PCNX1: variants seen among roughly 807,000 people sequenced by gnomAD.
PCNX1 encodes the protein pecanex-like protein 1.
PCNX1 carries 78 observed loss-of-function variants against 242.2 expected under a neutral mutation model. The ratio of observed to expected loss-of-function variants is 0.32; its 90% confidence interval spans 0.27 to 0.39. PCNX1 has a LOEUF of 0.39. PCNX1 is among the 10% of genes least tolerant of loss of function. The pLI, the probability that PCNX1 is intolerant of heterozygous loss-of-function variation, is 1.00. For synonymous variants in PCNX1, 1,024 were observed against 1,032.9 expected (o/e 0.99, Z 0.17); for missense variants, 2,581 against 2,856.5 (o/e 0.90, Z 2.20).
intron 11 of PCNX1, 135 bp from the exon 12 acceptor site, chr14:71,018,874 C>A: frequency 1.5e-6 from 1 of 646,606 alleles, no homozygotes; most frequent in Non-Finnish European, 2.6e-6. Context: ...GATCTAAAAC[C>A]TTGTTCAAAC....
chr14:70,967,168 G>A (rs1251111510), intron 3 of PCNX1, among the ~76,000 whole-genome samples: 1 of 152,136 alleles, frequency 6.6e-6, no homozygotes, highest in Non-Finnish European at 1.5e-5. Flanking sequence ...TTTTACATCT[G>A]TGTGCACCCA....
chr14:71,027,066 C>A, intron 15 of PCNX1, 184 bp downstream of exon 15: 1 of 463,680 alleles, frequency 2.2e-6, no homozygotes, highest in Non-Finnish European at 3.8e-6. Context: ...ATAGTCAAGT[C>A]TGCTACTTTA....
chr14:70,989,139 A>G (rs2059084497), intron 7 of PCNX1, among the ~76,000 whole-genome samples: 1 of 149,572 alleles, frequency 6.7e-6, no homozygotes, highest in Non-Finnish European at 1.5e-5. Context: ...AGCCAGTTTG[A>G]TTGTTTTATT....
At chr14:71,046,929 A>G (rs1183266670) in intron 20 of PCNX1, 35 bp from the exon 21 acceptor site, 1 of 1,545,244 alleles carries the variant, frequency 6.5e-7, no homozygotes. Context: ...TATACATTTG[A>G]TGACATGTAG....
At chr14:71,028,904 T>TAG in intron 16 of PCNX1, 113 bp downstream of exon 16, 1 of 571,624 alleles carries the variant, frequency 1.7e-6, no homozygotes, top group African/African-American at 2.0e-5. Context: ...GCATTAATTT[T>TAG]CATGGTCTTC....
At chr14:71,048,636 T>C (rs1489497685) in intron 22 of PCNX1, among the ~76,000 whole-genome samples, 1 of 152,212 alleles carries the variant, frequency 6.6e-6, no homozygotes, top group Non-Finnish European at 1.5e-5. Flanking sequence ...TACAAAGGAC[T>C]TTGACATACA....
At chr14:71,019,889 A>G (rs1336076496) in intron 12 of PCNX1, among the ~76,000 whole-genome samples, 1 of 151,760 alleles carries the variant, frequency 6.6e-6, no homozygotes, top group African/African-American at 2.4e-5. Context: ...GCACCCATCA[A>G]CCCGTCATCT....
Position 71,024,142 on chromosome 14 carries a change from A to G in PCNX1, c.3183+910A>G, listed in dbSNP as rs375362057. Among the ~76,000 whole-genome samples, 551 of 152,240 alleles carry G rather than the reference A, an allele frequency of 3.6e-3. 1 individual carries two copies. Among genetic ancestry groups the G allele is most frequent in the African/African-American group, 0.013 (534 of 41,538 alleles). ...CTTAATCCCTTTCTAGCACATGATC[A>G]TTTTTCCTTCTTTCTCTCTGCTAGC... On this transcript the variant is annotated intron_variant, in intron 13 of 35. Transcript: ENST00000304743.
chr14:70,929,318 T>G (rs996895094), intron 1 of PCNX1, among the ~76,000 whole-genome samples: 4 of 152,126 alleles, frequency 2.6e-5, no homozygotes, highest in African/African-American at 9.7e-5. Context: ...TATATATATT[T>G]GATTATTAGG....
At chr14:71,003,102 A>ATTTTTTTTTTTTTTTTTTTTTTTTT (rs2059556546) in intron 8 of PCNX1, among the ~76,000 whole-genome samples, 1 of 25,744 alleles carries the variant, frequency 3.9e-5, no homozygotes, top group Non-Finnish European at 6.0e-5. Context: ...TTTTTTTTTG[A>ATTTTTTTTTTTTTTTTTTTTTTTTT]GACAGAGTCT....
At chr14:70,997,798 G>C (rs541813576) in intron 8 of PCNX1, among the ~76,000 whole-genome samples, 8 of 152,220 alleles carry the variant, frequency 5.3e-5, no homozygotes, top group African/African-American at 1.7e-4. Context: ...TAAAGGAATT[G>C]GTAGAGAAGC....
At chr14:71,087,550 G>A (rs1248707016) in intron 28 of PCNX1, among the ~76,000 whole-genome samples, 1 of 152,164 alleles carries the variant, frequency 6.6e-6, no homozygotes, top group Non-Finnish European at 1.5e-5. Context: ...ATCACCTGGA[G>A]AGTGATTGCT....
chr14:70,963,162 G>A (rs1221064727), intron 3 of PCNX1, among the ~76,000 whole-genome samples: 1 of 152,150 alleles, frequency 6.6e-6, no homozygotes, highest in African/African-American at 2.4e-5. Context: ...TTTTCTGCCT[G>A]CTTTCTGTTC....
intron 12 of PCNX1, among the ~76,000 whole-genome samples, chr14:71,021,283 T>C (rs2060093995): frequency 6.6e-6 from 1 of 152,194 alleles, no homozygotes; most frequent in African/African-American, 2.4e-5. Flanking sequence ...AGTAGTTTTT[T>C]CTAATTCTGT....
At chr14:70,981,151 A>G (rs1017294856) in intron 6 of PCNX1, among the ~76,000 whole-genome samples, 1 of 152,134 alleles carries the variant, frequency 6.6e-6, no homozygotes, top group Non-Finnish European at 1.5e-5. Context: ...TGATTATAGT[A>G]TCTATCTCAT....
Position 71,088,311 on chromosome 14 carries a change from G to C in PCNX1, c.5338-19G>C. 6.9e-7 allele frequency: 1 copy of C among 1,445,204 alleles called. No individual in the cohort carries two copies. The highest frequency in any genetic ancestry group is 9.7e-7 in the Non-Finnish European group (1 of 1,029,542). The allele number at this position is 1,445,204 out of a possible 1,614,324, so 89.5% of individuals were successfully genotyped here. On this transcript the variant is annotated intron_variant, in intron 28 of 35. Coordinates refer to ENST00000304743, the MANE Select transcript of PCNX1 (RefSeq NM_014982.3). ...CTTACATACCTTTCTGATAACTAATGTTTTTTGTTTTTTTAAAGCCTGTGG... is the reference window on the plus strand; with the variant it reads ...CTTACATACCTTTCTGATAACTAATCTTTTTTGTTTTTTTAAAGCCTGTGG...
intron 19 of PCNX1, among the ~76,000 whole-genome samples, chr14:71,038,651 G>A (rs1436620210): frequency 6.6e-6 from 1 of 150,672 alleles, no homozygotes; most frequent in Non-Finnish European, 1.5e-5. Flanking sequence ...AACCATTGTG[G>A]AAGTCAGTGT....
Position 71,019,120 on chromosome 14 carries a change from G to C in PCNX1, c.3108G>C (p.Gln1036His), listed in dbSNP as rs2060030693. The change falls in exon 12 of 36, where the codon CAG becomes CAC. Residue 1036 changes from glutamine (Q) to histidine (H), a missense_variant. This residue lies in a region of PCNX1 where 55 missense variants were observed against 49.8 expected (regional missense o/e 1.10). Transcript: ENST00000304743. ...QGFFRDIWVF[Q>H]FCLVIASCQY... ...TCTTCAGAGATATCTGGGTCTTCCA[G>C]TTCTGCCTCGTCATAGCCAGCTGTC... The C allele has an allele frequency of 1.9e-6, 3 of 1,612,358 alleles. No homozygotes were observed. Among genetic ancestry groups the C allele is most frequent in the South Asian group, 1.1e-5 (1 of 90,800 alleles).
At chr14:70,932,426 C>T (rs1268706551) in intron 1 of PCNX1, among the ~76,000 whole-genome samples, 1 of 151,910 alleles carries the variant, frequency 6.6e-6, no homozygotes, top group African/African-American at 2.4e-5. Flanking sequence ...ATTTTTCTTA[C>T]AATTAATCTA....
Sources: allele counts gnomAD v4.1 joint callset (sites outside exome capture counted in the v4.1 genomes callset), GRCh38; gene constraint gnomAD v4.1.1; regional missense constraint gnomAD v4.1.1; transcripts MANE v1.5; gene names NCBI Gene and HGNC (gene_info 2026-07-23, HGNC 2026-07-21).